Variants in TBC1D2B observed in about 807,000 individuals in gnomAD.
The protein encoded by TBC1D2B is TBC1 domain family member 2B, also known as TBC1 domain family, member 2B.
A neutral mutation model predicts 100.8 loss-of-function variants in TBC1D2B; 64 were observed. That is an observed-to-expected ratio of 0.64 (90% CI 0.52 to 0.78). The LOEUF is 0.78. Ranked by LOEUF, TBC1D2B falls within the 30% of genes least tolerant of loss-of-function variation. TBC1D2B has a pLI of 0.00. For synonymous variants in TBC1D2B, 480 were observed against 479.7 expected (o/e 1.00, Z -0.01); for missense variants, 1,052 against 1,218.4 (o/e 0.86, Z 2.03).
rs1401568010 is a variant in TBC1D2B, at chr15:78,013,689, T to A, written c.1776-372A>T. On this transcript the variant is annotated intron_variant, in intron 8 of 12. Coordinates refer to ENST00000300584, the MANE Select transcript of TBC1D2B (RefSeq NM_144572.2). ...TTCTTTATCATATATATACACTACA[T>A]ATGTATAACTTTATGCTTAAAAATA... Among the ~76,000 whole-genome samples, 4 of 152,050 alleles carry A rather than the reference T, an allele frequency of 2.6e-5. No individual in the cohort carries two copies. The East Asian group carries it at 7.7e-4, about 29-fold the overall frequency.
rs757748142 is a variant in TBC1D2B at position 78,016,640 on chromosome 15, T to G, written c.1681A>C (p.Thr561Pro). The change falls in exon 8 of 13, where the codon ACC (threonine) becomes CCC (proline). Residue 561 changes from threonine (T) to proline (P), a missense_variant. Around this residue, in one of 4 missense-constraint regions of TBC1D2B, gnomAD observed 373 missense variants for 464.9 expected, o/e 0.80. Coordinates refer to ENST00000300584, the MANE Select transcript of TBC1D2B (RefSeq NM_144572.2). ...TPVCSEDQGP[T>P]REVIAQLLED... ...AGCAACTGGGCTATGACCTCCCGGG[T>G]GGGCCCCTGGTCTTCTGAGCACACT... is the stretch of plus-strand genomic sequence containing the variant. 1.2e-6 allele frequency: 2 copies of G among 1,612,588 alleles called. No individual in the cohort carries two copies. The highest frequency in any genetic ancestry group is 1.1e-5 in the South Asian group (1 of 90,798).
At chr15:78,063,716 C>T (rs1042050797) in intron 1 of TBC1D2B, among the ~76,000 whole-genome samples, 1 of 152,120 alleles carries the variant, frequency 6.6e-6, no homozygotes, top group Admixed American at 6.5e-5. Flanking sequence ...ATAACAACAC[C>T]ACACACAAGC....
chr15:78,003,552 A>G, intron 10 of TBC1D2B, 62 bp from the exon 11 acceptor site: 1 of 1,341,622 alleles, frequency 7.5e-7, no homozygotes. Context: ...TAAGCAGACG[A>G]GCAGACGCGC....
intron 11 of TBC1D2B, 81 bp downstream of exon 11, chr15:78,003,224 G>T: frequency 7.4e-7 from 1 of 1,343,244 alleles, no homozygotes; most frequent in Non-Finnish European, 1.1e-6. Context: ...TTCCAGGTGA[G>T]CCAGCCGCTC....
intron 4 of TBC1D2B, among the ~76,000 whole-genome samples, chr15:78,026,172 A>G (rs2072664074): frequency 6.6e-6 from 1 of 151,938 alleles, no homozygotes; most frequent in African/African-American, 2.4e-5. Context: ...TTTAACATAC[A>G]AACATTGCTA....
At chr15:78,054,005 G>T in intron 2 of TBC1D2B, 29 bp downstream of exon 2, 1 of 1,597,588 alleles carries the variant, frequency 6.3e-7, no homozygotes, top group South Asian at 1.1e-5. Flanking sequence ...ACAAAGAACT[G>T]ACCCAGCTCC....
chr15:78,070,476 A>C (rs2073726665), intron 1 of TBC1D2B, among the ~76,000 whole-genome samples: 1 of 152,220 alleles, frequency 6.6e-6, no homozygotes, highest in South Asian at 2.1e-4. Context: ...CCAGGAGGAC[A>C]GGGACTGTTT....
At chr15:78,034,173 C>T (rs1347137759) in intron 3 of TBC1D2B, among the ~76,000 whole-genome samples, 1 of 152,192 alleles carries the variant, frequency 6.6e-6, no homozygotes, top group African/African-American at 2.4e-5. Context: ...AGTCAATTCC[C>T]CATGGTAACC....
At chr15:78,005,658 A>C (rs1023544511) in intron 10 of TBC1D2B, among the ~76,000 whole-genome samples, 1 of 152,200 alleles carries the variant, frequency 6.6e-6, no homozygotes, top group Non-Finnish European at 1.5e-5. Context: ...CTGTGCTCTC[A>C]ATTTGGATAC....
At chr15:78,026,482 G>A (rs921410451) in intron 4 of TBC1D2B, among the ~76,000 whole-genome samples, 10 of 152,068 alleles carry the variant, frequency 6.6e-5, no homozygotes, top group African/African-American at 2.2e-4. Flanking sequence ...CATGCTTTTG[G>A]ACTTCTAGCC....
intron 3 of TBC1D2B, among the ~76,000 whole-genome samples, chr15:78,039,535 T>C (rs529805014): frequency 4.9e-4 from 75 of 152,152 alleles, no homozygotes; most frequent in Admixed American, 4.6e-3. Context: ...CCCTTACACC[T>C]GCATTGAGAA....
intron 3 of TBC1D2B, among the ~76,000 whole-genome samples, chr15:78,031,574 A>AAAAAAG (rs1452770906): frequency 1.4e-5 from 2 of 147,506 alleles, no homozygotes; most frequent in Non-Finnish European, 3.0e-5. Flanking sequence ...AAAAAAAAAA[A>AAAAAAG]AGAGAGAGAG....
At chr15:78,006,452 C>G (rs187873953) in intron 10 of TBC1D2B, among the ~76,000 whole-genome samples, 2 of 152,342 alleles carry the variant, frequency 1.3e-5, no homozygotes, top group Admixed American at 6.5e-5. Flanking sequence ...ATGAGCTTCT[C>G]CTGGGATCCA....
rs146065573 is a variant in TBC1D2B, at chr15:78,031,178, T to C, written c.684-1008A>G. On this transcript the variant is annotated intron_variant, in intron 3 of 12. Transcript: ENST00000300584. ...TACATATATATGTAGCAAAACTATT[T>C]TTTTAAGTCCACACATAAATTACAA... Among the ~76,000 whole-genome samples, 4 of 152,348 alleles carry C rather than the reference T, an allele frequency of 2.6e-5. No homozygotes were observed. In the East Asian group the frequency reaches 7.7e-4, roughly 29 times the overall value.
intron 1 of TBC1D2B, among the ~76,000 whole-genome samples, chr15:78,069,041 T>G (rs1330255501): frequency 1.3e-5 from 2 of 152,218 alleles, no homozygotes; most frequent in African/African-American, 4.8e-5. Flanking sequence ...GGGGTGTTAC[T>G]GTTTGTATTT....
intron 10 of TBC1D2B, among the ~76,000 whole-genome samples, chr15:78,004,094 C>A (rs1467309553): frequency 1.3e-5 from 2 of 152,194 alleles, no homozygotes; most frequent in Non-Finnish European, 2.9e-5. Context: ...TAGTTAATTA[C>A]CTCTCTCTTA....
At chr15:78,024,626 C>A (rs878873092) in intron 5 of TBC1D2B, 87 bp from the exon 6 acceptor site, 9 of 1,248,494 alleles carry the variant, frequency 7.2e-6, no homozygotes, top group Non-Finnish European at 9.8e-6. Context: ...ATGGAGTAAT[C>A]GACAGAGTTT....
chr15:78,061,558 G>A (rs1209710391), intron 1 of TBC1D2B, among the ~76,000 whole-genome samples: 2 of 150,046 alleles, frequency 1.3e-5, no homozygotes, highest in Non-Finnish European at 3.0e-5. Flanking sequence ...GGGTGACAGA[G>A]CGAGACCCTG....
chr15:78,003,659 C>T, intron 10 of TBC1D2B, 169 bp from the exon 11 acceptor site: 1 of 578,212 alleles, frequency 1.7e-6, no homozygotes, highest in East Asian at 2.8e-5. Context: ...TATGTTCCAG[C>T]AGCGCTGACC....
Sources: gnomAD v4.1 joint callset for allele counts (sites outside exome capture counted in the v4.1 genomes callset) on GRCh38, gnomAD v4.1.1 for gene constraint, gnomAD v4.1.1 regional missense constraint, MANE v1.5 for transcripts, NCBI Gene and HGNC (gene_info 2026-07-23, HGNC 2026-07-21) for gene names.